Variants in PPP1R21 observed in about 807,000 individuals in gnomAD.
PPP1R21 encodes protein phosphatase 1 regulatory subunit 21, also known as KLRAQ motif containing 1.
PPP1R21 carries 85 observed loss-of-function variants against 112.8 expected under a neutral mutation model. That is an observed-to-expected ratio of 0.75 (90% CI 0.63 to 0.90). The LOEUF is 0.90. PPP1R21 is among the 40% of genes least tolerant of loss of function. The probability of loss-of-function intolerance (pLI) is 0.00; values close to 1 mark genes in which losing one functional copy is unlikely to be tolerated. For synonymous variants in PPP1R21, 381 were observed against 322.3 expected (o/e 1.18, Z -1.95); for missense variants, 1,199 against 901.5 (o/e 1.33, Z -4.23).
At chr2:48,444,390 A>G (rs62137050) in intron 1 of PPP1R21, among the ~76,000 whole-genome samples, 3,362 of 152,316 alleles carry the variant, frequency 0.022, 47 homozygotes, top group Non-Finnish European at 0.034. Flanking sequence ...CAGTTGCTAC[A>G]TTATAGATTA....
intron 19 of PPP1R21, among the ~76,000 whole-genome samples, chr2:48,507,709 T>C (rs1670446648): frequency 6.6e-6 from 1 of 150,868 alleles, no homozygotes; most frequent in Non-Finnish European, 1.5e-5. Flanking sequence ...TAAAAATCTT[T>C]ATTTCAATAA....
At chr2:48,453,340 C>T (rs1667566005) in intron 2 of PPP1R21, among the ~76,000 whole-genome samples, 1 of 152,054 alleles carries the variant, frequency 6.6e-6, no homozygotes, top group African/African-American at 2.4e-5. Context: ...AATTAGTAAA[C>T]ATACAGTTAT....
chr2:48,474,862 G>T lies in PPP1R21; in HGVS notation c.1225+43G>T, dbSNP rs769484080. ...TTAGGGGTCAACTTCAAGGACTTAA[G>T]AGTACAAGAAGCTGGAAAAGGGAGA... is the stretch of plus-strand genomic sequence containing the variant. On this transcript the variant is annotated intron_variant, in intron 12 of 21. Transcript: ENST00000294952. 7 of 1,572,714 alleles carry T rather than the reference G, an allele frequency of 4.5e-6. No individual in the cohort carries two copies. In the South Asian group the frequency reaches 8.1e-5, roughly 18 times the overall value.
chr2:48,459,984 C>T (rs752324529), intron 5 of PPP1R21, 66 bp downstream of exon 5: 15 of 1,589,630 alleles, frequency 9.4e-6, no homozygotes, highest in African/African-American at 1.3e-5. Context: ...ATTGTCTATC[C>T]ACTTAGAGTT....
chr2:48,476,623 T>A (rs1668765263), intron 12 of PPP1R21, among the ~76,000 whole-genome samples: 1 of 152,238 alleles, frequency 6.6e-6, no homozygotes, highest in Non-Finnish European at 1.5e-5. Context: ...TACTTGGTTT[T>A]TTGATTTTTA....
In PPP1R21 at chr2:48,471,380, G is replaced by T; in HGVS notation, c.1088+13G>T. On this transcript the variant is annotated intron_variant, in intron 11 of 21. Transcript: ENST00000294952. ...ATCAGTTAAAAAGGTAGTTACCCCCGGAGGCCAGGGAACTTGGGGAATTGT... is the reference window on the plus strand; with the variant it reads ...ATCAGTTAAAAAGGTAGTTACCCCCTGAGGCCAGGGAACTTGGGGAATTGT... The T allele has an allele frequency of 1.3e-6, 2 of 1,590,874 alleles. No homozygotes were observed. Among genetic ancestry groups the T allele is most frequent in the South Asian group, 1.2e-5 (1 of 86,168 alleles).
intron 21 of PPP1R21, among the ~76,000 whole-genome samples, chr2:48,513,459 T>A (rs1000814815): frequency 2.0e-5 from 3 of 151,938 alleles, no homozygotes; most frequent in Non-Finnish European, 2.9e-5. Context: ...ATAAGCTGGC[T>A]GCAGCTTCCC....
At chr2:48,473,545 C>T (rs1007166662) in intron 11 of PPP1R21, among the ~76,000 whole-genome samples, 6 of 152,130 alleles carry the variant, frequency 3.9e-5, no homozygotes, top group African/African-American at 1.4e-4. Context: ...CCCTGCTTCA[C>T]GAGTTATTAA....
At chr2:48,443,221 T>A (rs562139624) in intron 1 of PPP1R21, among the ~76,000 whole-genome samples, 3 of 152,246 alleles carry the variant, frequency 2.0e-5, no homozygotes, top group South Asian at 2.1e-4. Context: ...AGACTCAGAG[T>A]TGTCCCTGCA....
intron 14 of PPP1R21, 148 bp downstream of exon 14, chr2:48,486,906 C>G: frequency 1.2e-6 from 1 of 801,596 alleles, no homozygotes; most frequent in Non-Finnish European, 1.9e-6. Context: ...CTGCTTCCTA[C>G]CCAGTATGTA....
intron 15 of PPP1R21, among the ~76,000 whole-genome samples, chr2:48,492,471 G>A (rs535805144): frequency 3.3e-5 from 5 of 152,078 alleles, no homozygotes; most frequent in African/African-American, 1.2e-4. Flanking sequence ...TTTTAGATAC[G>A]GCATAGAATT....
chr2:48,475,454 G>A (rs1210418637), intron 12 of PPP1R21, among the ~76,000 whole-genome samples: 2 of 152,136 alleles, frequency 1.3e-5, no homozygotes, highest in Non-Finnish European at 2.9e-5. Flanking sequence ...GTATGGAAAG[G>A]AACACATCAT....
chr2:48,505,978 C>G (rs192039825), intron 18 of PPP1R21, among the ~76,000 whole-genome samples: 4 of 152,284 alleles, frequency 2.6e-5, no homozygotes, highest in Admixed American at 2.0e-4. Flanking sequence ...GGGCCTTGAC[C>G]AAGTACAGTG....
At chr2:48,467,807 G>A (rs1668270843) in intron 9 of PPP1R21, among the ~76,000 whole-genome samples, 1 of 152,206 alleles carries the variant, frequency 6.6e-6, no homozygotes, top group African/African-American at 2.4e-5. Context: ...ATACCAGGAA[G>A]TGGAGACAAT....
At chr2:48,511,613 G>C in intron 21 of PPP1R21, 145 bp downstream of exon 21, 2 of 961,576 alleles carry the variant, frequency 2.1e-6, no homozygotes, top group South Asian at 3.6e-5. Flanking sequence ...TGTAATCCCA[G>C]TACTTTGGGA....
chr2:48,465,499 A>T lies in PPP1R21; in HGVS notation c.754A>T (p.Met252Leu), dbSNP rs148498821. The T allele has an allele frequency of 1.9e-6, 3 of 1,605,928 alleles. No homozygotes were observed. The highest frequency in any genetic ancestry group is 2.7e-5 in the African/African-American group (2 of 74,338). The change falls in exon 9 of 22, where the codon ATG becomes TTG. Residue 252 changes from methionine to leucine, a missense_variant. Physicochemically the swap from Met to Leu is conservative, Grantham distance 15. Transcript: ENST00000294952. ...PLHNRRHQLK[M>L]RDIAGQALAF... ...TATATTTTTCATTTTAAAGCTGAAG[A>T]TGCGAGATATTGCTGGGCAGGCCCT...
At chr2:48,489,456 C>T (rs1669457478) in intron 14 of PPP1R21, among the ~76,000 whole-genome samples, 1 of 152,068 alleles carries the variant, frequency 6.6e-6, no homozygotes, top group African/African-American at 2.4e-5. Flanking sequence ...AGTCCTCCTA[C>T]CTCGGTCTCC....
At chr2:48,509,728 T>G (rs1670546827) in intron 19 of PPP1R21, among the ~76,000 whole-genome samples, 1 of 151,896 alleles carries the variant, frequency 6.6e-6, no homozygotes, top group Non-Finnish European at 1.5e-5. Context: ...AAAAGAAAGT[T>G]CTTATGTATT....
At chr2:48,500,660 T>TA (rs917780483) in intron 17 of PPP1R21, among the ~76,000 whole-genome samples, 5 of 152,168 alleles carry the variant, frequency 3.3e-5, no homozygotes, top group Non-Finnish European at 7.4e-5. Flanking sequence ...CCTGTAATCC[T>TA]AGCACTTTGG....
Sources: allele counts gnomAD v4.1 joint callset (sites outside exome capture counted in the v4.1 genomes callset), GRCh38; gene constraint gnomAD v4.1.1; transcripts MANE v1.5; gene names NCBI Gene and HGNC (gene_info 2026-07-23, HGNC 2026-07-21).